ANKRD17: variants seen among roughly 807,000 people sequenced by gnomAD.
ANKRD17 encodes ankyrin repeat domain 17, also known as ankyrin repeat domain-containing protein 17.
In ANKRD17, 19 loss-of-function variants were observed where a neutral mutation model predicts 229.7. That is an observed-to-expected ratio of 0.08 (90% CI 0.06 to 0.12). The LOEUF (loss-of-function observed/expected upper bound fraction) is 0.12. Ranked by LOEUF, ANKRD17 falls within the 10% of genes least tolerant of loss-of-function variation. ANKRD17 has a pLI of 1.00. For missense variants in ANKRD17, 2,176 were observed against 3,176.8 expected (o/e 0.68, Z 7.57); for synonymous variants, 1,112 against 1,146.1 (o/e 0.97, Z 0.60).
At chr4:73,171,178 G>GGAGAGGGGGA (rs1553928537) in intron 2 of ANKRD17, among the ~76,000 whole-genome samples, 1 of 104,446 alleles carries the variant, frequency 9.6e-6, no homozygotes, top group Non-Finnish European at 1.8e-5. Context: ...CTCAGAGGGG[G>GGAGAGGGGGA]GAGAGAGAGA....
intron 1 of ANKRD17, among the ~76,000 whole-genome samples, chr4:73,209,313 A>G (rs1739938818): frequency 6.6e-6 from 1 of 152,240 alleles, no homozygotes; most frequent in South Asian, 2.1e-4. Flanking sequence ...GTGAATTGCC[A>G]GTGAAAGAGG....
At chr4:73,183,131 T>C (rs919880559) in intron 1 of ANKRD17, among the ~76,000 whole-genome samples, 1 of 152,182 alleles carries the variant, frequency 6.6e-6, no homozygotes, top group Admixed American at 6.5e-5. Flanking sequence ...CTTTTTTGAA[T>C]AGAGTAAGAA....
chr4:73,186,501 AT>A (rs1165845394), intron 1 of ANKRD17, among the ~76,000 whole-genome samples: 5 of 152,210 alleles, frequency 3.3e-5, no homozygotes, highest in African/African-American at 9.6e-5. Flanking sequence ...CTATTCTTAT[AT>A]TTTTTCATTC....
chr4:73,118,452 G>C (rs1374671750), intron 22 of ANKRD17, among the ~76,000 whole-genome samples: 1 of 151,446 alleles, frequency 6.6e-6, no homozygotes, highest in Non-Finnish European at 1.5e-5. Flanking sequence ...ACATTACTTA[G>C]AACAGCTTTT....
chr4:73,229,543 A>T lies in ANKRD17; in HGVS notation c.393+28733T>A, dbSNP rs184733819. ...TCTCATCTAACTTCAAAAAAAATTT[A>T]AAAAATCCTTATCAAAAAAAACACA... is the stretch of plus-strand genomic sequence containing the variant. On this transcript the variant is annotated intron_variant, in intron 1 of 33. Coordinates refer to ENST00000358602, the MANE Select transcript of ANKRD17 (RefSeq NM_032217.5). 2.7e-3 allele frequency among the ~76,000 whole-genome samples: 416 copies of T among 152,100 alleles called. 2 individuals carry two copies. The highest frequency in any genetic ancestry group is 8.8e-3 in the African/African-American group (367 of 41,540).
intron 27 of ANKRD17, among the ~76,000 whole-genome samples, chr4:73,095,406 G>A (rs2077388899): frequency 6.6e-6 from 1 of 151,748 alleles, no homozygotes; most frequent in Admixed American, 6.6e-5. Flanking sequence ...TTCAAGACCA[G>A]CCTGGCCAAC....
At chr4:73,234,578 A>G (rs1331394326) in intron 1 of ANKRD17, among the ~76,000 whole-genome samples, 1 of 152,228 alleles carries the variant, frequency 6.6e-6, no homozygotes, top group African/African-American at 2.4e-5. Context: ...ATGGAAGAAC[A>G]GTACAATTTA....
intron 1 of ANKRD17, among the ~76,000 whole-genome samples, chr4:73,232,638 C>T (rs537612713): frequency 2.6e-5 from 4 of 152,216 alleles, no homozygotes; most frequent in South Asian, 2.1e-4. Context: ...AGACAATTTC[C>T]GAAAATCACT....
At chr4:73,134,872 T>C (rs1728692238) in intron 16 of ANKRD17, among the ~76,000 whole-genome samples, 1 of 152,160 alleles carries the variant, frequency 6.6e-6, no homozygotes, top group South Asian at 2.1e-4. Context: ...TATATCCTCT[T>C]GTGAACTAAA....
intron 7 of ANKRD17, 66 bp downstream of exon 7, chr4:73,151,364 T>C: frequency 2.1e-6 from 3 of 1,437,364 alleles, no homozygotes; most frequent in South Asian, 1.2e-5. Flanking sequence ...AAGGCATTCA[T>C]TGTATACTAC....
Position 73,097,229 on chromosome 4 carries a change from T to C in ANKRD17, c.5065A>G (p.Thr1689Ala), listed in dbSNP as rs771246062. 6 of 1,605,728 alleles carry C rather than the reference T, an allele frequency of 3.7e-6. No individual in the cohort carries two copies. The highest frequency in any genetic ancestry group is 2.7e-5 in the African/African-American group (2 of 74,400). ...ISEGTSNSLS[T>A]CTKSGPSPLS... ...GGAGATGGACCAGATTTTGTACAAGTAGATAGAGAATTACTGGTCCCTTCA... is the reference window on the plus strand; with the variant it reads ...GGAGATGGACCAGATTTTGTACAAGCAGATAGAGAATTACTGGTCCCTTCA... Residue 1689 changes from threonine to alanine, a missense_variant, in exon 27 of 34, where the codon ACT becomes GCT. By Grantham distance (58) the Thr-to-Ala change is moderately conservative. Around this residue, in one of 18 missense-constraint regions of ANKRD17, gnomAD observed 98 missense variants for 101.0 expected, o/e 0.97. Coordinates refer to ENST00000358602, the MANE Select transcript of ANKRD17 (RefSeq NM_032217.5).
In ANKRD17 at chr4:73,155,728, G is replaced by A. The variant is rs1731575302; in HGVS notation, c.903C>T (p.Asp301=). 3.1e-6 allele frequency: 5 copies of A among 1,613,818 alleles called. No individual in the cohort carries two copies. Among genetic ancestry groups the A allele is most frequent in the Non-Finnish European group, 4.2e-6 (5 of 1,179,752 alleles). ...TAGCAGCAGCCATTAAAGGTGTAAT[G>A]TCACCTTTGATTCCCCTATCTTCCA... ...ANVEDRGIKG[D]ITPLMAAANG... The change falls in exon 5 of 34, where the codon GAC becomes GAT. Residue 301 remains aspartate (D), a synonymous_variant. Coordinates refer to ENST00000358602, the MANE Select transcript of ANKRD17 (RefSeq NM_032217.5).
At chr4:73,145,899 A>G (rs372458449) in intron 10 of ANKRD17, among the ~76,000 whole-genome samples, 5 of 152,242 alleles carry the variant, frequency 3.3e-5, no homozygotes, top group African/African-American at 1.2e-4. Context: ...TAATTACTGA[A>G]GGGGGGCTTG....
chr4:73,148,679 ATACTT>A (rs1193815069), intron 8 of ANKRD17, 129 bp downstream of exon 8: 75 of 798,648 alleles, frequency 9.4e-5, no homozygotes, highest in Middle Eastern at 2.9e-4. Context: ...TTCACAGTAA[ATACTT>A]TATCACTGGT....
intron 1 of ANKRD17, among the ~76,000 whole-genome samples, chr4:73,180,210 A>G (rs1278873778): frequency 6.6e-6 from 1 of 152,138 alleles, no homozygotes; most frequent in Non-Finnish European, 1.5e-5. Context: ...CACTGCATGC[A>G]TAAAGAATAA....
intron 7 of ANKRD17, 24 bp from the exon 8 acceptor site, chr4:73,149,074 A>G (rs1463838283): frequency 6.3e-7 from 1 of 1,591,706 alleles, no homozygotes; most frequent in African/African-American, 1.3e-5. Context: ...AATTTAAAAA[A>G]TTAAATCAGC....
At chr4:73,201,268 G>T (rs2149107697) in intron 1 of ANKRD17, among the ~76,000 whole-genome samples, 1 of 151,940 alleles carries the variant, frequency 6.6e-6, no homozygotes, top group East Asian at 1.9e-4. Flanking sequence ...AAATTCTCTA[G>T]AAAAATAAAG....
chr4:73,180,776 C>A (rs1229807810), intron 1 of ANKRD17, among the ~76,000 whole-genome samples: 1 of 152,086 alleles, frequency 6.6e-6, no homozygotes, highest in African/African-American at 2.4e-5. Flanking sequence ...AATATGAAGG[C>A]CTAAGTACCA....
At chr4:73,105,401 A>G (rs898821735) in intron 24 of ANKRD17, among the ~76,000 whole-genome samples, 2 of 151,472 alleles carry the variant, frequency 1.3e-5, no homozygotes, top group African/African-American at 4.8e-5. Flanking sequence ...GAGTTTATGT[A>G]TATGTGTGTG....
Sources: gnomAD v4.1 joint callset for allele counts (sites outside exome capture counted in the v4.1 genomes callset) on GRCh38, gnomAD v4.1.1 for gene constraint, gnomAD v4.1.1 regional missense constraint, MANE v1.5 for transcripts, NCBI Gene and HGNC (gene_info 2026-07-23, HGNC 2026-07-21) for gene names.